The following NPAS3 variants were observed in gnomAD, a reference collection of about 807,000 sequenced individuals.
The protein encoded by NPAS3 is neuronal PAS domain protein 3.
In NPAS3, 14 loss-of-function variants were observed where a neutral mutation model predicts 73.1. That is an observed-to-expected ratio of 0.19 (90% CI 0.13 to 0.30). NPAS3 has a LOEUF of 0.30. Among genes scored for constraint, NPAS3 ranks in the 10% least tolerant of loss-of-function variants. The pLI, the probability that NPAS3 is intolerant of heterozygous loss-of-function variation, is 1.00. For synonymous variants in NPAS3, 620 were observed against 541.5 expected (o/e 1.14, Z -2.01); for missense variants, 1,096 against 1,250.0 (o/e 0.88, Z 1.86).
intron 4 of NPAS3, among the ~76,000 whole-genome samples, chr14:33,408,136 T>A (rs1294000573): frequency 5.9e-5 from 9 of 152,110 alleles, no homozygotes. Context: ...GAAGAGTACT[T>A]TTCCCCTCAT....
intron 1 of NPAS3, among the ~76,000 whole-genome samples, chr14:32,970,079 G>A (rs2037354871): frequency 6.6e-6 from 1 of 152,064 alleles, no homozygotes; most frequent in Non-Finnish European, 1.5e-5. Context: ...TGAGATATCT[G>A]GATATTAAGG....
At chr14:33,684,368 G>T (rs2060029022) in intron 6 of NPAS3, among the ~76,000 whole-genome samples, 1 of 151,926 alleles carries the variant, frequency 6.6e-6, no homozygotes, top group Admixed American at 6.6e-5. Context: ...CTGGAGTGCA[G>T]TGGCACAATC....
intron 4 of NPAS3, among the ~76,000 whole-genome samples, chr14:33,391,255 G>A (rs569258935): frequency 6.9e-5 from 10 of 143,986 alleles, no homozygotes; most frequent in South Asian, 4.4e-4. Context: ...GTGCAATGGC[G>A]CGATCTCGGC....
intron 3 of NPAS3, among the ~76,000 whole-genome samples, chr14:33,301,834 T>G (rs2042562703): frequency 6.6e-6 from 1 of 152,218 alleles, no homozygotes; most frequent in Admixed American, 6.5e-5. Flanking sequence ...TTTAGTATTT[T>G]TACATTTATC....
chr14:33,559,602 G>A (rs890500271), intron 4 of NPAS3, among the ~76,000 whole-genome samples: 1 of 152,190 alleles, frequency 6.6e-6, no homozygotes, highest in African/African-American at 2.4e-5. Context: ...CAAAATGACA[G>A]AGACATAAGT....
At chr14:33,780,824 T>C (rs1206853707) in intron 9 of NPAS3, 1 of 272,590 alleles carries the variant, frequency 3.7e-6, no homozygotes, top group Admixed American at 5.2e-5. Flanking sequence ...TTCTCCTAAT[T>C]TTTCTGGTAT....
Position 33,703,019 on chromosome 14 carries a change from C to A in NPAS3, c.733+26634C>A, listed in dbSNP as rs189632504. On this transcript the variant is annotated intron_variant, in intron 6 of 11. Transcript: ENST00000356141. ...AATTAGGACTTTTAGTTTAATACAG[C>A]AGATAATGAAATGCAAACTCCATCC... 2.7e-3 allele frequency among the ~76,000 whole-genome samples: 411 copies of A among 152,174 alleles called. 5 individuals are homozygous for A. The highest frequency in any genetic ancestry group is 9.4e-3 in the African/African-American group (390 of 41,510).
intron 2 of NPAS3, among the ~76,000 whole-genome samples, chr14:33,161,224 G>C (rs1052199226): frequency 2.6e-5 from 4 of 152,212 alleles, no homozygotes; most frequent in Non-Finnish European, 5.9e-5. Flanking sequence ...GATGGTATTA[G>C]AAGCAGGAAG....
At chr14:33,005,791 A>G (rs1358806247) in intron 1 of NPAS3, among the ~76,000 whole-genome samples, 2 of 152,186 alleles carry the variant, frequency 1.3e-5, no homozygotes, top group Non-Finnish European at 2.9e-5. Flanking sequence ...GTCGGCTTTC[A>G]TGATAGCACT....
chr14:33,449,685 T>C (rs1754029225), intron 4 of NPAS3, among the ~76,000 whole-genome samples: 1 of 152,160 alleles, frequency 6.6e-6, no homozygotes, highest in Non-Finnish European at 1.5e-5. Context: ...GGCTAAAAAA[T>C]GCAATCTGCA....
chr14:33,259,281 C>T (rs2048888099), intron 3 of NPAS3, among the ~76,000 whole-genome samples: 2 of 152,100 alleles, frequency 1.3e-5, no homozygotes, highest in Non-Finnish European at 2.9e-5. Flanking sequence ...TTATCTCCTT[C>T]CGTCCATTTT....
intron 1 of NPAS3, among the ~76,000 whole-genome samples, chr14:32,984,883 T>C (rs2038037468): frequency 6.6e-6 from 1 of 152,182 alleles, no homozygotes; most frequent in African/African-American, 2.4e-5. Context: ...ACAGCTCCAG[T>C]GTAGTCATTC....
At chr14:33,056,136 A>C in intron 2 of NPAS3, 142 bp downstream of exon 2, 1 of 542,948 alleles carries the variant, frequency 1.8e-6, no homozygotes, top group Non-Finnish European at 3.3e-6. Context: ...AAACAAACCA[A>C]CAAACCAAAC....
intron 2 of NPAS3, among the ~76,000 whole-genome samples, chr14:33,088,472 C>A (rs2138784602): frequency 6.6e-6 from 1 of 152,300 alleles, no homozygotes; most frequent in East Asian, 1.9e-4. Context: ...AACTGCAAGG[C>A]AGGAGTGAGG....
At chr14:33,123,861 C>CTT (rs35332896) in intron 2 of NPAS3, among the ~76,000 whole-genome samples, 1 of 81,142 alleles carries the variant, frequency 1.2e-5, no homozygotes, top group Non-Finnish European at 3.0e-5. Context: ...TTCTTTCTTT[C>CTT]TTTTTTTTTT....
chr14:33,552,707 G>T (rs138717654), intron 4 of NPAS3, among the ~76,000 whole-genome samples: 8 of 151,770 alleles, frequency 5.3e-5, no homozygotes, highest in African/African-American at 1.9e-4. Context: ...AAGACACCTG[G>T]TACCCGCGTG....
intron 4 of NPAS3, among the ~76,000 whole-genome samples, chr14:33,437,441 T>G (rs2049036478): frequency 6.6e-6 from 1 of 152,136 alleles, no homozygotes; most frequent in African/African-American, 2.4e-5. Flanking sequence ...ATTGAAACCC[T>G]TGGTCCCTGA....
chr14:33,792,316 T>C (rs1486047482), intron 9 of NPAS3, among the ~76,000 whole-genome samples: 1 of 152,042 alleles, frequency 6.6e-6, no homozygotes, highest in Non-Finnish European at 1.5e-5. Flanking sequence ...TGTTATGATT[T>C]GAAACACTCA....
chr14:33,671,409 A>T (rs1311538799), intron 5 of NPAS3, among the ~76,000 whole-genome samples: 3 of 152,210 alleles, frequency 2.0e-5, no homozygotes, highest in African/African-American at 7.2e-5. Context: ...AGAGTTACCA[A>T]ATCAGCTGTG....
Sources: gnomAD v4.1 joint callset for allele counts (sites outside exome capture counted in the v4.1 genomes callset) on GRCh38, gnomAD v4.1.1 for gene constraint, MANE v1.5 for transcripts, NCBI Gene and HGNC (gene_info 2026-07-23, HGNC 2026-07-21) for gene names.